The following AGK variants were observed in gnomAD, a reference collection of about 807,000 sequenced individuals.
AGK encodes acylglycerol kinase.
AGK carries 52 observed loss-of-function variants against 66.4 expected under a neutral mutation model. That is an observed-to-expected ratio of 0.78 (90% CI 0.63 to 0.99). The LOEUF (loss-of-function observed/expected upper bound fraction) is 0.99, where lower values mean the gene tolerates loss of function less well. AGK is among the 50% of genes least tolerant of loss of function. The probability of loss-of-function intolerance (pLI) is 0.00; values close to 1 mark genes in which losing one functional copy is unlikely to be tolerated. For missense variants in AGK, 451 were observed against 506.6 expected (o/e 0.89, Z 1.05); for synonymous variants, 182 against 181.1 (o/e 1.00, Z -0.04).
intron 2 of AGK, among the ~76,000 whole-genome samples, chr7:141,557,708 C>T (rs1234409141): frequency 6.6e-6 from 1 of 152,184 alleles, no homozygotes; most frequent in Non-Finnish European, 1.5e-5. Context: ...AGCCTGGAGG[C>T]CTCATTTTGC....
At chr7:141,574,686 TC>T (rs1320241688) in intron 2 of AGK, among the ~76,000 whole-genome samples, 1 of 152,174 alleles carries the variant, frequency 6.6e-6, no homozygotes, top group Non-Finnish European at 1.5e-5. Context: ...TCATTTCCCA[TC>T]CTGAACTGGA....
At chr7:141,580,322 C>A (rs181616998) in intron 2 of AGK, among the ~76,000 whole-genome samples, 1 of 152,006 alleles carries the variant, frequency 6.6e-6, no homozygotes, top group Admixed American at 6.5e-5. Context: ...GCATAGCCTG[C>A]CTTTGCTGGT....
At chr7:141,595,258 T>C (rs12539011) in intron 3 of AGK, among the ~76,000 whole-genome samples, 34,508 of 152,040 alleles carry the variant, frequency 0.23, 4,471 homozygotes, top group East Asian at 0.4. Context: ...TGGAATCTGA[T>C]AGGCCAGAGA....
chr7:141,556,455 C>T (rs1001591462), intron 2 of AGK, among the ~76,000 whole-genome samples: 2 of 151,216 alleles, frequency 1.3e-5, no homozygotes, highest in Admixed American at 6.6e-5. Context: ...GCAGGAGAAT[C>T]GCTTGAGCCT....
chr7:141,568,789 T>C (rs1795525968), intron 2 of AGK, among the ~76,000 whole-genome samples: 1 of 152,080 alleles, frequency 6.6e-6, no homozygotes, highest in African/African-American at 2.4e-5. Context: ...TTGGCCAGGC[T>C]GGTCTTGAAC....
Position 141,641,348 on chromosome 7 carries a change from A to G in AGK, c.827A>G (p.Tyr276Cys), listed in dbSNP as rs1336237647. 1 of 1,613,772 alleles carries G rather than the reference A, an allele frequency of 6.2e-7. No individual in the cohort carries two copies. Among genetic ancestry groups the G allele is most frequent in the Non-Finnish European group, 8.5e-7 (1 of 1,179,922 alleles). Reference sequence around the variant, plus strand: ...ACCCCTGTACAAAGGCCTTCTTTGTACAGGAGAATATTACGAAGGCTTGCG... The same window carrying G: ...ACCCCTGTACAAAGGCCTTCTTTGTGCAGGAGAATATTACGAAGGCTTGCG... ...EETPVQRPSL[Y>C]RRILRRLASY... The change falls in exon 12 of 16, where the codon TAC becomes TGC. Residue 276 changes from tyrosine (Y) to cysteine (C), a missense_variant. By Grantham distance (194) the Tyr-to-Cys change is radical. Coordinates refer to ENST00000649286, the MANE Select transcript of AGK (RefSeq NM_018238.4).
intron 9 of AGK, among the ~76,000 whole-genome samples, chr7:141,632,350 T>C (rs1797077441): frequency 6.6e-6 from 1 of 152,256 alleles, no homozygotes; most frequent in Non-Finnish European, 1.5e-5. Flanking sequence ...TCCTTTATTG[T>C]TGGTACATAA....
At chr7:141,634,928 A>G (rs1209103449) in intron 10 of AGK, among the ~76,000 whole-genome samples, 1 of 151,976 alleles carries the variant, frequency 6.6e-6, no homozygotes, top group Non-Finnish European at 1.5e-5. Context: ...GAGAGACATT[A>G]CCATATTATA....
At chr7:141,567,495 A>G (rs1408368783) in intron 2 of AGK, among the ~76,000 whole-genome samples, 4 of 151,986 alleles carry the variant, frequency 2.6e-5, no homozygotes, top group African/African-American at 9.7e-5. Context: ...AGTTTCAAAG[A>G]AAAAAAAGTC....
At chr7:141,652,382 C>T (rs1414908097) in intron 15 of AGK, 1 of 158,472 alleles carries the variant, frequency 6.3e-6, no homozygotes, top group Non-Finnish European at 1.4e-5. Flanking sequence ...AATAGCATGT[C>T]ATAAGAGAAT....
At chr7:141,635,136 A>G (rs551959075) in intron 10 of AGK, among the ~76,000 whole-genome samples, 1 of 152,344 alleles carries the variant, frequency 6.6e-6, no homozygotes, top group African/African-American at 2.4e-5. Flanking sequence ...AAGAAAGCAC[A>G]GTACAGATCA....
chr7:141,554,824 A>G lies in AGK; in HGVS notation c.-14-629A>G, dbSNP rs541465724. Among the ~76,000 whole-genome samples the G allele has an allele frequency of 2.6e-5, 4 of 152,350 alleles. No homozygotes were observed. The South Asian group carries it at 8.3e-4, about 32-fold the overall frequency. ...TCATTTTGTTATGTCATCAGTGAAT[A>G]TGATCATTTAAAAATTTATTTTGGT... On this transcript the variant is annotated intron_variant, in intron 1 of 15. Coordinates refer to ENST00000649286, the MANE Select transcript of AGK (RefSeq NM_018238.4).
chr7:141,626,462 C>G (rs780506927), intron 9 of AGK, among the ~76,000 whole-genome samples: 65 of 152,150 alleles, frequency 4.3e-4, no homozygotes, highest in Non-Finnish European at 8.1e-4. Flanking sequence ...TCTCAGATTA[C>G]TTAATAATTT....
In AGK at chr7:141,650,537, AG is replaced by A. The variant is rs997495954; in HGVS notation, c.1047-987del. The A allele has an allele frequency of 1.2e-5, 12 of 985,470 alleles. No individual in the cohort carries two copies. In the African/African-American group the frequency reaches 2.1e-4, roughly 17 times the overall value. The allele number at this position is 985,470 out of a possible 1,614,324, so 61.0% of individuals were successfully genotyped here. ...GAAGAGAACATAGTGAAGCTGCGTTAGAAAACTCTGATACCGTTTTGTAGAG... is the reference window on the plus strand; with the variant it reads ...GAAGAGAACATAGTGAAGCTGCGTTAAAAACTCTGATACCGTTTTGTAGAG... On this transcript the variant is annotated intron_variant, in intron 14 of 15. Coordinates refer to ENST00000649286, the MANE Select transcript of AGK (RefSeq NM_018238.4).
chr7:141,594,911 A>G (rs1796197611), intron 3 of AGK, among the ~76,000 whole-genome samples: 1 of 152,098 alleles, frequency 6.6e-6, no homozygotes, highest in Admixed American at 6.5e-5. Flanking sequence ...TTGGCCTCCC[A>G]AAGTGCTGCA....
At chr7:141,627,258 T>G (rs981585413) in intron 9 of AGK, among the ~76,000 whole-genome samples, 3 of 152,216 alleles carry the variant, frequency 2.0e-5, no homozygotes. Context: ...AGTAGTTACA[T>G]AGCGATTCCT....
chr7:141,625,991 T>C (rs1255721908), intron 9 of AGK, among the ~76,000 whole-genome samples: 1 of 152,206 alleles, frequency 6.6e-6, no homozygotes, highest in Non-Finnish European at 1.5e-5. Context: ...TGATGAATTA[T>C]TTTAGAAATA....
At chr7:141,578,405 C>T (rs904187662) in intron 2 of AGK, among the ~76,000 whole-genome samples, 5 of 151,904 alleles carry the variant, frequency 3.3e-5, no homozygotes, top group South Asian at 2.1e-4. Context: ...TCACTTGCTT[C>T]GGGCCATCTG....
intron 2 of AGK, among the ~76,000 whole-genome samples, chr7:141,576,441 G>A (rs1795739638): frequency 6.6e-6 from 1 of 151,602 alleles, no homozygotes; most frequent in Non-Finnish European, 1.5e-5. Context: ...AGAGTGGCAG[G>A]GTGAGTAGTT....
Sources: allele counts gnomAD v4.1 joint callset (sites outside exome capture counted in the v4.1 genomes callset), GRCh38; gene constraint gnomAD v4.1.1; transcripts MANE v1.5; gene names NCBI Gene and HGNC (gene_info 2026-07-23, HGNC 2026-07-21).